CPNE2: variants seen among roughly 807,000 people sequenced by gnomAD.
CPNE2 encodes copine 2.
CPNE2 carries 42 observed loss-of-function variants against 69.7 expected under a neutral mutation model. That is an observed-to-expected ratio of 0.60 (90% CI 0.47 to 0.78). The LOEUF (loss-of-function observed/expected upper bound fraction) is 0.78, where lower values mean the gene tolerates loss of function less well. Among genes scored for constraint, CPNE2 ranks in the 30% least tolerant of loss-of-function variants. The pLI, the probability that CPNE2 is intolerant of heterozygous loss-of-function variation, is 0.00. For synonymous variants in CPNE2, 294 were observed against 289.8 expected (o/e 1.01, Z -0.15); for missense variants, 587 against 732.0 (o/e 0.80, Z 2.29).
At chr16:57,107,398 A>G (rs962644295) in intron 1 of CPNE2, among the ~76,000 whole-genome samples, 2 of 152,206 alleles carry the variant, frequency 1.3e-5, no homozygotes, top group Middle Eastern at 3.4e-3. Flanking sequence ...ATGTCCGGGG[A>G]ACACTGGATC....
chr16:57,094,059 G>A, intron 1 of CPNE2: 1 of 456,714 alleles, frequency 2.2e-6, no homozygotes, highest in South Asian at 1.5e-5. Context: ...ATGAAGGCGT[G>A]GTTTTATGGC....
intron 3 of CPNE2, among the ~76,000 whole-genome samples, chr16:57,114,487 C>T (rs1189157556): frequency 1.3e-5 from 2 of 152,230 alleles, no homozygotes; most frequent in African/African-American, 4.8e-5. Context: ...CTGCCCATCC[C>T]CCCAACTGGC....
In CPNE2 at chr16:57,130,364, A is replaced by AAATT. The variant is rs1188458488; in HGVS notation, c.1116+2480_1116+2483dup. ...GACAGAGTGAGACTCTGTCTCTAAA[A>AAATT]AATTAATTAATTAATTAATTAAAAT... On this transcript the variant is annotated intron_variant, in intron 12 of 15. Transcript: ENST00000290776. This position sits in a 1 kb window ranked among gnomAD's most constrained non-coding sequence, Gnocchi z 4.1. Among the ~76,000 whole-genome samples, 5 of 152,140 alleles carry AAATT rather than the reference A, an allele frequency of 3.3e-5. No individual in the cohort carries two copies. Among genetic ancestry groups the AAATT allele is most frequent in the Admixed American group, 6.5e-5 (1 of 15,282 alleles).
Position 57,117,505 on chromosome 16 carries a change from C to T in CPNE2, c.445C>T (p.Gln149Ter), listed in dbSNP as rs1206478770. The change falls in exon 5 of 16, where the codon CAG becomes TAG. Residue 149 changes from glutamine (Q) to a stop codon, truncating the protein, a stop_gained. Transcript: ENST00000290776. LOFTEE classifies it high-confidence loss of function. ...TGTCCCGGCCTTACAGATCGCTGCC[C>T]AGGAGCTGTCCGACAACCGCGTCAT... ...AGKGLITIAA[Q>*]ELSDNRVITL... 1.2e-6 allele frequency: 2 copies of T among 1,613,642 alleles called. No individual in the cohort carries two copies. The highest frequency in any genetic ancestry group is 1.7e-6 in the Non-Finnish European group (2 of 1,179,908).
rs189645562 is a variant in CPNE2 at position 57,095,765 on chromosome 16, A to G, written c.-36+2975A>G. Among the ~76,000 whole-genome samples the G allele has an allele frequency of 2.0e-5, 3 of 152,314 alleles. No individual in the cohort carries two copies. The East Asian group carries it at 5.8e-4, about 29-fold the overall frequency. ...TAGGCATGAGCCACTGTGCCCGACC[A>G]TGGAACATTTCTTACTTATCTGGCC... On this transcript the variant is annotated intron_variant, in intron 1 of 15. Transcript: ENST00000290776.
At chr16:57,110,224 C>CTTTT (rs145923720) in intron 1 of CPNE2, among the ~76,000 whole-genome samples, 12 of 119,036 alleles carry the variant, frequency 1.0e-4, no homozygotes, top group African/African-American at 3.7e-4. Context: ...CTTTTCTTTT[C>CTTTT]TTTTTTTTTT....
chr16:57,120,893 GAC>G (rs2069756693), intron 7 of CPNE2, among the ~76,000 whole-genome samples, 198 bp from the exon 8 acceptor site: 2 of 152,174 alleles, frequency 1.3e-5, no homozygotes, highest in South Asian at 4.1e-4. Flanking sequence ...CAGTGGGGCA[GAC>G]ACACTTTCTC....
chr16:57,147,660 C>A lies in CPNE2; in HGVS notation c.*2C>A. On this transcript the variant is annotated 3_prime_UTR_variant, in exon 16 of 16. Transcript: ENST00000290776. ...CCCACCAACTCGGAGCCCGCCTGAG[C>A]TCCAGTGCCCAGCAGCAGCATGTCA... The A allele has an allele frequency of 1.3e-6, 2 of 1,593,662 alleles. No homozygotes were observed. The highest frequency in any genetic ancestry group is 8.6e-7 in the Non-Finnish European group (1 of 1,166,000).
At chr16:57,107,870 T>C (rs1226260525) in intron 1 of CPNE2, among the ~76,000 whole-genome samples, 3 of 147,188 alleles carry the variant, frequency 2.0e-5, no homozygotes, top group Non-Finnish European at 4.5e-5. Flanking sequence ...GCAATCTTTT[T>C]TTTTTTTTTT....
intron 11 of CPNE2, among the ~76,000 whole-genome samples, chr16:57,126,980 G>C (rs1376525651): frequency 6.6e-6 from 1 of 152,204 alleles, no homozygotes; most frequent in African/African-American, 2.4e-5. Context: ...CTGGCCCCCA[G>C]CTGTGTGTCC....
chr16:57,124,107 C>T (rs186735022), intron 10 of CPNE2: 16 of 157,834 alleles, frequency 1.0e-4, no homozygotes, highest in South Asian at 1.7e-4. Flanking sequence ...TTTGAGACAG[C>T]GTCTCATTCT....
At chr16:57,128,495 A>G (rs1429717940) in intron 12 of CPNE2, among the ~76,000 whole-genome samples, 2 of 152,168 alleles carry the variant, frequency 1.3e-5, no homozygotes, top group Admixed American at 6.5e-5. Flanking sequence ...CCGAAGTGCT[A>G]GGATTACAGG....
At chr16:57,105,430 G>T (rs1031889889) in intron 1 of CPNE2, among the ~76,000 whole-genome samples, 11 of 142,238 alleles carry the variant, frequency 7.7e-5, no homozygotes, top group Admixed American at 4.9e-4. Flanking sequence ...TATGTGTCCG[G>T]TTTTTTTTTT....
intron 7 of CPNE2, 37 bp downstream of exon 7, chr16:57,119,687 C>A: frequency 6.9e-7 from 1 of 1,452,078 alleles, no homozygotes; most frequent in South Asian, 1.2e-5. Context: ...CCCACCTTGC[C>A]AGCTCCAGCC....
intron 12 of CPNE2, among the ~76,000 whole-genome samples, chr16:57,128,346 C>T (rs1460225984): frequency 2.6e-5 from 4 of 152,182 alleles, no homozygotes; most frequent in African/African-American, 9.7e-5. Context: ...TCTCCTGCCT[C>T]AGCCTCCCGA....
chr16:57,115,399 C>CT (rs2069711395), intron 3 of CPNE2, 77 bp from the exon 4 acceptor site: 2 of 1,207,038 alleles, frequency 1.7e-6, no homozygotes, highest in South Asian at 1.3e-5. Context: ...AGGATTTTTC[C>CT]GGTGCCGGTG....
At chr16:57,110,509 C>CT in intron 1 of CPNE2, 199 bp from the exon 2 acceptor site, 1 of 334,364 alleles carries the variant, frequency 3.0e-6, no homozygotes, top group Non-Finnish European at 5.5e-6. Context: ...AGCCACTGCG[C>CT]TCAGCTGAGA....
Position 57,123,430 on chromosome 16 carries a change from C to A in CPNE2, c.884C>A (p.Ser295Tyr). 1 of 1,613,252 alleles carries A rather than the reference C, an allele frequency of 6.2e-7. No individual in the cohort carries two copies. Among genetic ancestry groups the A allele is most frequent in the East Asian group, 2.2e-5 (1 of 44,890 alleles). Residue 295 changes from serine (S) to tyrosine (Y), a missense_variant, in exon 10 of 16, where the codon TCC becomes TAC. Ser to Tyr is a moderately radical substitution (Grantham distance 144). Coordinates refer to ENST00000290776, the MANE Select transcript of CPNE2 (RefSeq NM_152727.6). The part of the protein sequence containing the change: ...LRSCKINRDY[S>Y]FLDYILGGCQ... ...TTCTTCCAGATAAACCGAGACTACT[C>A]CTTCCTTGACTACATCCTGGGAGGC... is the stretch of plus-strand genomic sequence containing the variant.
At chr16:57,134,747 G>A (rs1157783150) in intron 12 of CPNE2, 28 bp from the exon 13 acceptor site, 1 of 1,613,596 alleles carries the variant, frequency 6.2e-7, no homozygotes, top group South Asian at 1.1e-5. Context: ...GCGGGAGGCT[G>A]CAGCTCAGCG....
Sources: allele counts gnomAD v4.1 joint callset (sites outside exome capture counted in the v4.1 genomes callset), GRCh38; gene constraint gnomAD v4.1.1; non-coding constraint Gnocchi (gnomAD v3.1); transcripts MANE v1.5; gene names NCBI Gene and HGNC (gene_info 2026-07-23, HGNC 2026-07-21).